Variants in FNDC3B observed in about 807,000 individuals in gnomAD.
FNDC3B encodes fibronectin type III domain-containing protein 3B.
FNDC3B carries 12 observed loss-of-function variants against 151.5 expected under a neutral mutation model. The ratio of observed to expected loss-of-function variants is 0.08; its 90% confidence interval spans 0.05 to 0.13. The LOEUF is 0.13. Among genes scored for constraint, FNDC3B ranks in the 10% least tolerant of loss-of-function variants. FNDC3B has a pLI of 1.00. For missense variants in FNDC3B, 1,214 were observed against 1,505.3 expected (o/e 0.81, Z 3.20); for synonymous variants, 528 against 549.0 (o/e 0.96, Z 0.54).
intron 1 of FNDC3B, among the ~76,000 whole-genome samples, chr3:172,046,517 T>C (rs1560380920): frequency 6.6e-6 from 1 of 151,978 alleles, no homozygotes; most frequent in African/African-American, 2.4e-5. Flanking sequence ...GAGACAGGGT[T>C]TCACTTTGTG....
chr3:172,337,294 C>G, intron 15 of FNDC3B, 36 bp from the exon 16 acceptor site: 1 of 1,383,082 alleles, frequency 7.2e-7, no homozygotes, highest in East Asian at 2.3e-5. Context: ...AATCAATATC[C>G]TTTTATTGCT....
intron 4 of FNDC3B, among the ~76,000 whole-genome samples, chr3:172,246,413 A>G (rs777378270): frequency 7.2e-5 from 11 of 152,164 alleles, no homozygotes; most frequent in Non-Finnish European, 1.2e-4. Context: ...ATCTCACGTT[A>G]TCATTCTCTG....
intron 1 of FNDC3B, among the ~76,000 whole-genome samples, chr3:172,067,227 T>C (rs1717543667): frequency 6.6e-6 from 1 of 152,190 alleles, no homozygotes; most frequent in Non-Finnish European, 1.5e-5. Flanking sequence ...CAGACAGCAG[T>C]GGTATTTTTC....
intron 11 of FNDC3B, among the ~76,000 whole-genome samples, chr3:172,316,732 G>C (rs1269466783): frequency 6.6e-6 from 1 of 152,178 alleles, no homozygotes; most frequent in Non-Finnish European, 1.5e-5. Flanking sequence ...TGAATATGTG[G>C]CATGGATTCA....
intron 17 of FNDC3B, among the ~76,000 whole-genome samples, chr3:172,341,802 A>C (rs143960592): frequency 1.3e-5 from 2 of 152,330 alleles, no homozygotes; most frequent in Admixed American, 6.5e-5. Flanking sequence ...TCTACTATTT[A>C]TATGACTTTA....
chr3:172,113,925 C>T (rs1720113813), intron 2 of FNDC3B, among the ~76,000 whole-genome samples: 1 of 152,162 alleles, frequency 6.6e-6, no homozygotes, highest in Non-Finnish European at 1.5e-5. Context: ...TGAATCCATA[C>T]TCTGCCGTAT....
chr3:172,395,701 T>C (rs535087146), intron 25 of FNDC3B, among the ~76,000 whole-genome samples: 38 of 152,272 alleles, frequency 2.5e-4, no homozygotes, highest in African/African-American at 9.1e-4. Flanking sequence ...AGGACTTAGA[T>C]CCAGATCACA....
At chr3:172,144,457 G>A (rs1721798488) in intron 3 of FNDC3B, among the ~76,000 whole-genome samples, 1 of 152,348 alleles carries the variant, frequency 6.6e-6, no homozygotes. Context: ...GCAGGCAGGC[G>A]TCGAGCCTGA....
intron 3 of FNDC3B, among the ~76,000 whole-genome samples, chr3:172,204,751 T>C (rs1220461516): frequency 1.3e-5 from 2 of 152,216 alleles, no homozygotes; most frequent in Non-Finnish European, 2.9e-5. Flanking sequence ...CAAAGTCTAG[T>C]ATTCGCTGCA....
intron 4 of FNDC3B, among the ~76,000 whole-genome samples, chr3:172,229,961 C>T (rs1393528476): frequency 6.6e-6 from 1 of 151,862 alleles, no homozygotes; most frequent in African/African-American, 2.4e-5. Context: ...TATCCACATG[C>T]AAAAAGAGTG....
At chr3:172,219,030 T>C (rs1230808364) in intron 3 of FNDC3B, among the ~76,000 whole-genome samples, 1 of 152,218 alleles carries the variant, frequency 6.6e-6, no homozygotes, top group African/African-American at 2.4e-5. Flanking sequence ...TTGTCCCTGT[T>C]GTTCCATCTC....
At chr3:172,242,527 G>A (rs1030502942) in intron 4 of FNDC3B, among the ~76,000 whole-genome samples, 4 of 152,198 alleles carry the variant, frequency 2.6e-5, no homozygotes, top group Non-Finnish European at 5.9e-5. Flanking sequence ...AGCTACCATA[G>A]CTTGGGACTT....
At chr3:172,136,823 G>A (rs963712830) in intron 3 of FNDC3B, among the ~76,000 whole-genome samples, 6 of 152,060 alleles carry the variant, frequency 3.9e-5, no homozygotes, top group African/African-American at 7.2e-5. Context: ...GGGTTCAAGC[G>A]ACTCTCCTGC....
At chr3:172,346,234 C>T (rs536875146) in intron 19 of FNDC3B, 93 bp from the exon 20 acceptor site, 8 of 606,726 alleles carry the variant, frequency 1.3e-5, no homozygotes, top group African/African-American at 7.5e-5. Flanking sequence ...GTTAGCCTAG[C>T]TTTTATTTGG....
chr3:172,340,336 T>C (rs950380754), intron 16 of FNDC3B, among the ~76,000 whole-genome samples: 1 of 149,350 alleles, frequency 6.7e-6, no homozygotes, highest in Admixed American at 6.8e-5. Context: ...CCCAGGCTGG[T>C]GTGCAACGGC....
chr3:172,177,650 A>G (rs1723674172), intron 3 of FNDC3B, among the ~76,000 whole-genome samples: 2 of 39,370 alleles, frequency 5.1e-5, no homozygotes, highest in African/African-American at 2.2e-4. Flanking sequence ...TTTTTTTTGC[A>G]CAGGGGCAAA....
At chr3:172,310,738 A>G in intron 10 of FNDC3B, 90 bp from the exon 11 acceptor site, 4 of 929,330 alleles carry the variant, frequency 4.3e-6, no homozygotes, top group Non-Finnish European at 7.2e-6. Context: ...GCACAGGACT[A>G]TCATAGACAC....
chr3:172,286,458 T>C (rs2108826736), intron 7 of FNDC3B, among the ~76,000 whole-genome samples: 1 of 152,180 alleles, frequency 6.6e-6, no homozygotes, highest in South Asian at 2.1e-4. Context: ...AGTGGTGAGG[T>C]TTTGATTTTG....
At chr3:172,320,248 C>T (rs773560039) in intron 11 of FNDC3B, among the ~76,000 whole-genome samples, 5 of 152,134 alleles carry the variant, frequency 3.3e-5, no homozygotes, top group East Asian at 1.9e-4. Flanking sequence ...GGCATGGTGG[C>T]GCACTCCTGT....
Sources: gnomAD v4.1 joint callset for allele counts (sites outside exome capture counted in the v4.1 genomes callset) on GRCh38, gnomAD v4.1.1 for gene constraint, MANE v1.5 for transcripts, NCBI Gene and HGNC (gene_info 2026-07-23, HGNC 2026-07-21) for gene names.